CNTNAP5: variants seen among roughly 807,000 people sequenced by gnomAD.
The protein encoded by CNTNAP5 is contactin associated protein family member 5.
CNTNAP5 carries 72 observed loss-of-function variants against 150.2 expected under a neutral mutation model. The observed-to-expected ratio is 0.48, with a 90% CI of 0.40 to 0.58. The LOEUF (loss-of-function observed/expected upper bound fraction) is 0.58. CNTNAP5 is among the 20% of genes least tolerant of loss of function. CNTNAP5 has a pLI of 0.00. For synonymous variants in CNTNAP5, 672 were observed against 619.8 expected, an observed-to-expected ratio of 1.08 and a Z score of -1.25; for missense variants, 1,636 against 1,626.2, an observed-to-expected ratio of 1.01 and a Z score of -0.10.
intron 3 of CNTNAP5, among the ~76,000 whole-genome samples, chr2:124,389,584 A>G (rs943865953): frequency 6.3e-4 from 96 of 152,326 alleles, no homozygotes; most frequent in African/African-American, 2.3e-3. Flanking sequence ...AATTGCTTTG[A>G]CACAATAAAC....
intron 11 of CNTNAP5, among the ~76,000 whole-genome samples, chr2:124,588,345 C>T (rs1271542423): frequency 2.6e-5 from 4 of 151,982 alleles, no homozygotes; most frequent in African/African-American, 2.4e-5. Context: ...TTCCAGATCC[C>T]TATCCCCAGA....
intron 11 of CNTNAP5, among the ~76,000 whole-genome samples, chr2:124,604,712 T>C (rs1262561184): frequency 1.3e-5 from 2 of 152,162 alleles, no homozygotes; most frequent in Non-Finnish European, 2.9e-5. Context: ...ATGAACTCAT[T>C]TACAGTGTCC....
At chr2:124,314,078 A>G (rs908868365) in intron 3 of CNTNAP5, among the ~76,000 whole-genome samples, 8 of 152,198 alleles carry the variant, frequency 5.3e-5, no homozygotes, top group African/African-American at 1.2e-4. Context: ...GATGATTTGT[A>G]GTAAAACTGA....
intron 11 of CNTNAP5, among the ~76,000 whole-genome samples, chr2:124,569,783 T>C (rs1696111156): frequency 6.6e-6 from 1 of 152,216 alleles, no homozygotes. Context: ...GTGCTTCTTC[T>C]ATGGAGAAGT....
At chr2:124,208,701 A>G (rs913735064) in intron 1 of CNTNAP5, among the ~76,000 whole-genome samples, 2 of 152,214 alleles carry the variant, frequency 1.3e-5, no homozygotes, top group African/African-American at 4.8e-5. Context: ...CCAAAATACA[A>G]AAATCCAGAC....
At chr2:124,776,992 T>A (rs1681338095) in intron 17 of CNTNAP5, among the ~76,000 whole-genome samples, 1 of 152,172 alleles carries the variant, frequency 6.6e-6, no homozygotes, top group Non-Finnish European at 1.5e-5. Flanking sequence ...AATGTCCCCT[T>A]ACCAATTACA....
intron 3 of CNTNAP5, among the ~76,000 whole-genome samples, chr2:124,389,225 T>A (rs1691045404): frequency 1.3e-5 from 2 of 152,228 alleles, no homozygotes; most frequent in South Asian, 2.1e-4. Flanking sequence ...AGTGTTTTGT[T>A]TGAAAAAAAA....
intron 19 of CNTNAP5, among the ~76,000 whole-genome samples, chr2:124,809,253 T>C (rs1446005914): frequency 1.3e-5 from 2 of 151,654 alleles, no homozygotes; most frequent in East Asian, 1.9e-4. Flanking sequence ...AGACAAAAGA[T>C]GACAATGAAA....
chr2:124,097,672 T>C (rs1043109782), intron 1 of CNTNAP5, among the ~76,000 whole-genome samples: 1 of 152,130 alleles, frequency 6.6e-6, no homozygotes, highest in African/African-American at 2.4e-5. Flanking sequence ...GCACATTCAG[T>C]TGACCCTTGG....
chr2:124,569,026 C>T (rs894276185), intron 11 of CNTNAP5, among the ~76,000 whole-genome samples: 2 of 151,996 alleles, frequency 1.3e-5, no homozygotes, highest in Non-Finnish European at 2.9e-5. Context: ...CCAGCCTGGG[C>T]GACAGAGCGA....
rs1558746497 is a variant in CNTNAP5, at chr2:124,713,223, C to CTCTA, written c.2078-34005_2078-34004insCTAT. Among the ~76,000 whole-genome samples the CTCTA allele has an allele frequency of 4.1e-3, 130 of 31,620 alleles. 6 individuals carry two copies. The highest frequency in any genetic ancestry group is 0.014 in the African/African-American group (129 of 9,174). 20.7% of individuals were successfully genotyped at this position (31,620 alleles called of 152,430 possible). ...CCTCCCTTCCTTTCTTTCTCTGTTT[C>CTCTA]TTTCTTTCTTTCTTTCTTTCTCTTT... On this transcript the variant is annotated intron_variant, in intron 13 of 23. Transcript: ENST00000682447.
At chr2:124,626,531 G>A (rs74715444) in intron 12 of CNTNAP5, among the ~76,000 whole-genome samples, 12,079 of 152,122 alleles carry the variant, frequency 0.079, 621 homozygotes, top group African/African-American at 0.14. Flanking sequence ...ACCTGCCAAG[G>A]GTACTATGCT....
chr2:124,811,708 G>GT (rs11431738), intron 19 of CNTNAP5, among the ~76,000 whole-genome samples: 6,920 of 149,714 alleles, frequency 0.046, 613 homozygotes, highest in African/African-American at 0.16. Context: ...TTAGGAGGCG[G>GT]GGGGGGTGGA....
At chr2:124,392,640 A>G (rs1224023212) in intron 3 of CNTNAP5, among the ~76,000 whole-genome samples, 1 of 148,260 alleles carries the variant, frequency 6.7e-6, no homozygotes, top group East Asian at 2.0e-4. Flanking sequence ...CTTAAGTATG[A>G]CATTTGAATA....
At chr2:124,322,505 G>A (rs977093901) in intron 3 of CNTNAP5, among the ~76,000 whole-genome samples, 1 of 152,064 alleles carries the variant, frequency 6.6e-6, no homozygotes, top group African/African-American at 2.4e-5. Context: ...ATATAAAGGG[G>A]GTAAGAGGAT....
At chr2:124,567,184 G>T (rs1048051478) in intron 11 of CNTNAP5, among the ~76,000 whole-genome samples, 3 of 152,262 alleles carry the variant, frequency 2.0e-5, no homozygotes, top group Non-Finnish European at 4.4e-5. Context: ...TCCAGCCTTT[G>T]TGGATAAGAG....
chr2:124,691,113 G>A (rs1558737095), intron 13 of CNTNAP5, among the ~76,000 whole-genome samples: 1 of 152,074 alleles, frequency 6.6e-6, no homozygotes, highest in Non-Finnish European at 1.5e-5. Flanking sequence ...TGGACGAGAA[G>A]GCTATGATCT....
chr2:124,709,040 C>A (rs1679752000), intron 13 of CNTNAP5, among the ~76,000 whole-genome samples: 1 of 152,092 alleles, frequency 6.6e-6, no homozygotes, highest in African/African-American at 2.4e-5. Context: ...CCTCTCTGGG[C>A]AAAACTGTGC....
chr2:124,091,219 G>A (rs1573747082), intron 1 of CNTNAP5, among the ~76,000 whole-genome samples: 1 of 152,176 alleles, frequency 6.6e-6, no homozygotes, highest in Non-Finnish European at 1.5e-5. Flanking sequence ...GCACCTGATA[G>A]GAAGAAGAAC....
Sources: allele counts gnomAD v4.1 joint callset (sites outside exome capture counted in the v4.1 genomes callset), GRCh38; gene constraint gnomAD v4.1.1; transcripts MANE v1.5; gene names NCBI Gene and HGNC (gene_info 2026-07-23, HGNC 2026-07-21).